Variants in DOCK2 observed in about 807,000 individuals in gnomAD.
The protein encoded by DOCK2 is dedicator of cytokinesis protein 2.
Under a neutral mutation model 248.9 loss-of-function variants are expected in DOCK2, and 87 were observed. The ratio of observed to expected loss-of-function variants is 0.35; its 90% CI spans 0.29 to 0.42. The LOEUF is 0.42. Ranked by LOEUF, DOCK2 falls within the 10% of genes least tolerant of loss-of-function variation. DOCK2 has a pLI of 1.00. For missense variants in DOCK2, 1,747 were observed against 2,300.2 expected (o/e 0.76, Z 4.92); for synonymous variants, 805 against 821.6 (o/e 0.98, Z 0.35).
At chr5:170,069,303 G>A (rs1757601791) in intron 46 of DOCK2, 83 bp downstream of exon 46, 2 of 1,425,054 alleles carry the variant, frequency 1.4e-6, no homozygotes, top group Admixed American at 3.8e-5. Context: ...CTAGGCTCTA[G>A]CTGAGGCAGC....
intron 27 of DOCK2, among the ~76,000 whole-genome samples, chr5:169,926,459 G>A (rs1285526615): frequency 6.6e-6 from 1 of 152,178 alleles, no homozygotes; most frequent in Non-Finnish European, 1.5e-5. Context: ...ATTATGGTCT[G>A]CATTGATCTT....
At chr5:169,804,493 C>CACGT (rs1561713115) in intron 26 of DOCK2, among the ~76,000 whole-genome samples, 1 of 50,892 alleles carries the variant, frequency 2.0e-5, no homozygotes, top group African/African-American at 4.2e-5. Flanking sequence ...TGTGCGCGCG[C>CACGT]GCGTGCGCGT....
chr5:170,067,402 C>T (rs1757530334), intron 44 of DOCK2, 108 bp from the exon 45 acceptor site: 1 of 1,128,758 alleles, frequency 8.9e-7, no homozygotes, highest in South Asian at 1.5e-5. Flanking sequence ...CCTTAGGGAG[C>T]ATTGCCTCAT....
chr5:169,642,300 T>C (rs1757195500), intron 1 of DOCK2, among the ~76,000 whole-genome samples: 2 of 152,238 alleles, frequency 1.3e-5, no homozygotes, highest in Non-Finnish European at 2.9e-5. Flanking sequence ...CTGAGATTAC[T>C]AGAATTAGGC....
At chr5:169,870,587 A>G (rs573844161) in intron 27 of DOCK2, among the ~76,000 whole-genome samples, 92 of 151,928 alleles carry the variant, frequency 6.1e-4, no homozygotes, top group Admixed American at 1.3e-3. Flanking sequence ...TCTTTTTTTA[A>G]TTTTTTGATT....
intron 21 of DOCK2, 59 bp downstream of exon 21, chr5:169,717,543 C>A: frequency 6.8e-7 from 1 of 1,475,674 alleles, no homozygotes; most frequent in Non-Finnish European, 9.5e-7. Context: ...TGCCAGGATG[C>A]CTAGGGCACA....
intron 30 of DOCK2, among the ~76,000 whole-genome samples, chr5:170,004,480 G>T (rs902700856): frequency 4.6e-5 from 7 of 152,160 alleles, no homozygotes; most frequent in African/African-American, 1.7e-4. Flanking sequence ...CTTCTTTTGA[G>T]AAGTGTCTGT....
At chr5:169,730,641 A>G (rs1762721368) in intron 22 of DOCK2, among the ~76,000 whole-genome samples, 1 of 152,208 alleles carries the variant, frequency 6.6e-6, no homozygotes, top group African/African-American at 2.4e-5. Flanking sequence ...TATATAGGAC[A>G]TAAACTGTCC....
Position 169,650,806 on chromosome 5 carries a change from A to G in DOCK2, c.44-3597A>G, listed in dbSNP as rs747162137. Among the ~76,000 whole-genome samples the G allele has an allele frequency of 1.6e-4, 25 of 152,162 alleles. No individual in the cohort carries two copies. In the South Asian group the frequency reaches 5.2e-3, roughly 32 times the overall value. ...CCAGTTTCTGTTTTGGTTCCTATGTATGGTGCTTTGGTACAAGGAGAGGTC... is the reference window on the plus strand; with the variant it reads ...CCAGTTTCTGTTTTGGTTCCTATGTGTGGTGCTTTGGTACAAGGAGAGGTC... On this transcript the variant is annotated intron_variant, in intron 1 of 51. Transcript: ENST00000520908.
At chr5:169,657,831 A>T (rs995213047) in intron 2 of DOCK2, among the ~76,000 whole-genome samples, 1 of 152,228 alleles carries the variant, frequency 6.6e-6, no homozygotes, top group African/African-American at 2.4e-5. Context: ...CTGTACAAAT[A>T]GTCATGTAGT....
At chr5:169,720,243 G>C (rs1026342290) in intron 22 of DOCK2, among the ~76,000 whole-genome samples, 1 of 152,240 alleles carries the variant, frequency 6.6e-6, no homozygotes, top group Non-Finnish European at 1.5e-5. Flanking sequence ...GTGAATCTAA[G>C]AGTGATTTTC....
At chr5:169,886,509 T>A (rs918624249) in intron 27 of DOCK2, among the ~76,000 whole-genome samples, 1 of 152,244 alleles carries the variant, frequency 6.6e-6, no homozygotes, top group Non-Finnish European at 1.5e-5. Context: ...ATACCTATGA[T>A]AATGGGGAGC....
At chr5:169,928,136 C>T (rs1775565351) in intron 27 of DOCK2, among the ~76,000 whole-genome samples, 2 of 152,190 alleles carry the variant, frequency 1.3e-5, no homozygotes. Flanking sequence ...CCAGCCAAAC[C>T]CTTCCCCCTG....
In DOCK2 at chr5:169,840,585, CGAT is replaced by C. The variant is rs10684419; in HGVS notation, c.2704-134_2704-132del. Among the ~76,000 whole-genome samples, 1,241 of 148,162 alleles carry C rather than the reference CGAT, an allele frequency of 8.4e-3. 30 individuals are homozygous for C. Among genetic ancestry groups the C allele is most frequent in the East Asian group, 0.07 (351 of 5,014 alleles). Reference sequence around the variant, plus strand: ...GGTGGTAATGACGATGGAGATATGGCGATGATGATGATGATGATGATGATGATG... The same window carrying C: ...GGTGGTAATGACGATGGAGATATGGCGATGATGATGATGATGATGATGATG... On this transcript the variant is annotated intron_variant, in intron 26 of 51. Coordinates refer to ENST00000520908, the MANE Select transcript of DOCK2 (RefSeq NM_004946.3).
rs1415225246 is a variant in DOCK2, at chr5:170,036,574, A to G, written c.3665+19A>G. ...ACATAAGGTAAGATTCATATTTTCT[A>G]AAATCCAGACCTGCTGTGTCACTTT... is the stretch of plus-strand genomic sequence containing the variant. On this transcript the variant is annotated intron_variant, in intron 36 of 51. Transcript: ENST00000520908. 1 of 1,611,890 alleles carries G rather than the reference A, an allele frequency of 6.2e-7. No individual in the cohort carries two copies.
At position 169,895,536 on chromosome 5, in the gene DOCK2, T is replaced by C. The variant is rs1773547375; in HGVS notation, c.2799+54684T>C. ...AGCAGCCAGCATTCACGCATCCTCT[T>C]CTTTTGGGGGTAGGATCACACTCCC... is the stretch of plus-strand genomic sequence containing the variant. On this transcript the variant is annotated intron_variant, in intron 27 of 51. Transcript: ENST00000520908. Among the ~76,000 whole-genome samples the C allele has an allele frequency of 3.3e-5, 5 of 152,112 alleles. No individual in the cohort carries two copies. The Middle Eastern group carries it at 0.014, about 414-fold the overall frequency.
At chr5:169,761,374 T>C in intron 24 of DOCK2, 145 bp from the exon 25 acceptor site, 1 of 660,804 alleles carries the variant, frequency 1.5e-6, no homozygotes, top group Non-Finnish European at 2.7e-6. Flanking sequence ...TGTACATTTT[T>C]ACTGAAGGCT....
intron 9 of DOCK2, among the ~76,000 whole-genome samples, chr5:169,692,615 G>T (rs539419540): frequency 4.6e-5 from 7 of 151,966 alleles, no homozygotes; most frequent in Admixed American, 4.6e-4. Flanking sequence ...GTTAAGAGAA[G>T]AAGGTGGAAT....
chr5:169,778,535 G>A (rs1322190154), intron 25 of DOCK2, among the ~76,000 whole-genome samples: 1 of 152,144 alleles, frequency 6.6e-6, no homozygotes. Context: ...AGACTTTGGG[G>A]GCAGCTCCTG....
Sources: gnomAD v4.1 joint callset for allele counts (sites outside exome capture counted in the v4.1 genomes callset) on GRCh38, gnomAD v4.1.1 for gene constraint, MANE v1.5 for transcripts, NCBI Gene and HGNC (gene_info 2026-07-23, HGNC 2026-07-21) for gene names.